The following CAGE1 variants were observed in gnomAD, a reference collection of about 807,000 sequenced individuals.
CAGE1 encodes cancer-associated gene 1 protein.
A neutral mutation model predicts 94.9 loss-of-function variants in CAGE1; 66 were observed. The ratio of observed to expected loss-of-function variants is 0.70; its 90% CI spans 0.57 to 0.85. CAGE1 has a LOEUF of 0.85. Ranked by LOEUF, CAGE1 falls within the 40% of genes least tolerant of loss-of-function variation. The pLI is 0.00. For synonymous variants in CAGE1, 319 were observed against 321.0 expected (o/e 0.99, Z 0.07); for missense variants, 865 against 950.4 (o/e 0.91, Z 1.18).
intron 12 of CAGE1, chr6:7,331,364 A>T: frequency 9.8e-7 from 1 of 1,016,526 alleles, no homozygotes; most frequent in Non-Finnish European, 1.4e-6. Context: ...ATCCCAGGAC[A>T]GCATATGAGA....
chr6:7,378,606 T>G lies in CAGE1; in HGVS notation c.687+11A>C. 2 of 1,556,672 alleles carry G rather than the reference T, an allele frequency of 1.3e-6. No individual in the cohort carries two copies. The highest frequency in any genetic ancestry group is 1.7e-6 in the Non-Finnish European group (2 of 1,158,128). On this transcript the variant is annotated intron_variant, in intron 4 of 13. Coordinates refer to ENST00000502583, the MANE Select transcript of CAGE1 (RefSeq NM_001170692.2). ...ATCAAATGGTTTTACAATATTATTG[T>G]GTACACTTTCCTTACATAAGAAGCT... is the stretch of plus-strand genomic sequence containing the variant.
chr6:7,369,905 A>G lies in CAGE1; in HGVS notation c.1893+14T>C, dbSNP rs1259436088. On this transcript the variant is annotated intron_variant, in intron 6 of 13. Transcript: ENST00000502583. ...CCTCCCCTACTAAAATATCTAATATATATGTTTTATTACCTGGCATGTGAG... is the reference window on the plus strand; with the variant it reads ...CCTCCCCTACTAAAATATCTAATATGTATGTTTTATTACCTGGCATGTGAG... 6 of 1,601,928 alleles carry G rather than the reference A, an allele frequency of 3.7e-6. No individual in the cohort carries two copies. Among genetic ancestry groups the G allele is most frequent in the East Asian group, 2.2e-5 (1 of 44,706 alleles).
chr6:7,364,615 C>T (rs533669665), intron 9 of CAGE1, among the ~76,000 whole-genome samples: 2 of 152,124 alleles, frequency 1.3e-5, no homozygotes, highest in East Asian at 1.9e-4. Context: ...ATTACAGGTG[C>T]CTGCCACCGC....
chr6:7,376,796 A>G (rs1760762685), intron 4 of CAGE1, among the ~76,000 whole-genome samples: 1 of 152,016 alleles, frequency 6.6e-6, no homozygotes, highest in South Asian at 2.1e-4. Flanking sequence ...TTCCTTCTGT[A>G]TGGAAGGCTC....
intron 11 of CAGE1, chr6:7,342,134 A>G (rs1759201735): frequency 2.0e-6 from 2 of 1,009,178 alleles, no homozygotes; most frequent in Non-Finnish European, 3.2e-6. Context: ...GCAGCTTCAC[A>G]ATCACTCAGT....
chr6:7,367,403 A>C (rs1051439263), intron 7 of CAGE1, among the ~76,000 whole-genome samples: 6 of 151,792 alleles, frequency 4.0e-5, no homozygotes, highest in South Asian at 2.1e-4. Context: ...AGCCTCCGGA[A>C]TAGCTAGGAC....
intron 11 of CAGE1, among the ~76,000 whole-genome samples, chr6:7,336,053 A>C (rs1207078264): frequency 1.3e-5 from 2 of 152,196 alleles, no homozygotes; most frequent in Admixed American, 6.5e-5. Context: ...TCTTTCAGAG[A>C]TATCAGGCTT....
Position 7,389,667 on chromosome 6 carries a change from T to C in CAGE1, c.-489A>G. ...GAAACGGCCAGCACGGGCCTCGCCG[T>C]GCCGGCTACTCAACACGCCTTCCTG... On this transcript the variant is annotated 5_prime_UTR_variant, in exon 1 of 14. Coordinates refer to ENST00000502583, the MANE Select transcript of CAGE1 (RefSeq NM_001170692.2). 2.4e-6 allele frequency: 1 copy of C among 421,456 alleles called. No individual in the cohort carries two copies. Among genetic ancestry groups the C allele is most frequent in the South Asian group, 2.6e-5 (1 of 38,636 alleles). 26.1% of individuals were successfully genotyped at this position (421,456 alleles called of 1,614,324 possible). A position where few individuals can be genotyped will look rare whatever the true frequency, so the allele number is the denominator to read the frequency against.
intron 13 of CAGE1, among the ~76,000 whole-genome samples, chr6:7,328,930 A>ATTTTTTT (rs1189273237): frequency 1.2e-5 from 1 of 85,588 alleles, no homozygotes; most frequent in African/African-American, 4.0e-5. Context: ...ATATATATAT[A>ATTTTTTT]TATATTTTTT....
At chr6:7,351,573 G>A (rs1468254050) in intron 11 of CAGE1, among the ~76,000 whole-genome samples, 18 of 134,566 alleles carry the variant, frequency 1.3e-4, no homozygotes, top group East Asian at 2.1e-4. Context: ...TTTTGGAATA[G>A]AAAAAAAAAA....
chr6:7,380,200 T>C lies in CAGE1; in HGVS notation c.284-1180A>G, dbSNP rs982300875. Among the ~76,000 whole-genome samples, 7 of 152,120 alleles carry C rather than the reference T, an allele frequency of 4.6e-5. No individual in the cohort carries two copies. The East Asian group carries it at 1.2e-3, about 25-fold the overall frequency. The stretch of plus-strand genomic sequence containing the variant: ...TATAGTGAAAACTACAGCTAACAGA[T>C]TGTGGGGGTCTGATAGATGTCCAGT... On this transcript the variant is annotated intron_variant, in intron 3 of 13. Transcript: ENST00000502583.
intron 9 of CAGE1, among the ~76,000 whole-genome samples, 152 bp from the exon 10 acceptor site, chr6:7,356,281 A>G (rs1759950442): frequency 6.6e-6 from 1 of 152,240 alleles, no homozygotes; most frequent in Non-Finnish European, 1.5e-5. Flanking sequence ...GAGGCTATGA[A>G]CCAGATAATG....
intron 11 of CAGE1, chr6:7,338,952 T>C (rs1759067742): frequency 2.5e-6 from 4 of 1,609,382 alleles, no homozygotes; most frequent in South Asian, 2.2e-5. Flanking sequence ...GCTCACGTGG[T>C]CAGGCAGGGG....
chr6:7,338,992 C>T (rs1167603662), intron 11 of CAGE1: 1 of 1,607,322 alleles, frequency 6.2e-7, no homozygotes, highest in Non-Finnish European at 8.5e-7. Flanking sequence ...CCAGTTGGGT[C>T]CCAGGGCAGC....
intron 12 of CAGE1, among the ~76,000 whole-genome samples, chr6:7,330,683 G>A (rs1271361429): frequency 6.6e-6 from 1 of 152,130 alleles, no homozygotes; most frequent in Non-Finnish European, 1.5e-5. Flanking sequence ...GAGATCAATT[G>A]GGCCAGTCAT....
intron 6 of CAGE1, among the ~76,000 whole-genome samples, chr6:7,369,027 G>T (rs1434624338): frequency 3.0e-3 from 340 of 115,160 alleles, no homozygotes; most frequent in Non-Finnish European, 3.3e-3. Flanking sequence ...TTTTTTTTTT[G>T]AGATAGAGTT....
In CAGE1 at chr6:7,378,625, A is replaced by AGG; in HGVS notation, c.678_679insCC (p.Leu227ProfsTer80). On this transcript the variant is annotated frameshift_variant, in exon 4 of 14. Coordinates refer to ENST00000502583, the MANE Select transcript of CAGE1 (RefSeq NM_001170692.2). LOFTEE classifies it high-confidence loss of function. ...TTATTGTGTACACTTTCCTTACATAAGAAGCTTGGAGGTTGGCTAGGGTTG... is the reference window on the plus strand; with the variant it reads ...TTATTGTGTACACTTTCCTTACATAAGGGAAGCTTGGAGGTTGGCTAGGGTTG... 1 of 1,579,634 alleles carries AGG rather than the reference A, an allele frequency of 6.3e-7. No individual in the cohort carries two copies. Among genetic ancestry groups the AGG allele is most frequent in the South Asian group, 1.2e-5 (1 of 84,732 alleles).
rs573550237 is a variant in CAGE1 at position 7,362,078 on chromosome 6, T to C, written c.2193+3390A>G. 3.9e-5 allele frequency among the ~76,000 whole-genome samples: 6 copies of C among 152,344 alleles called. No homozygotes were observed. The highest frequency in any genetic ancestry group is 1.2e-4 in the African/African-American group (5 of 41,574). ...ACTTGGAAAATTTTTCCTAAAGCAGTAATTTTCTACTTTGCCTGTTCCTTT... is the reference window on the plus strand; with the variant it reads ...ACTTGGAAAATTTTTCCTAAAGCAGCAATTTTCTACTTTGCCTGTTCCTTT... On this transcript the variant is annotated intron_variant, in intron 9 of 13. Transcript: ENST00000502583. The surrounding 1 kb of genome is among the most constrained non-coding windows in gnomAD (Gnocchi z 4.1).
intron 9 of CAGE1, among the ~76,000 whole-genome samples, chr6:7,356,472 A>C (rs1001744466): frequency 6.6e-6 from 1 of 152,198 alleles, no homozygotes; most frequent in Non-Finnish European, 1.5e-5. Context: ...ATTTGACTCT[A>C]TATGAAGTAA....
Sources: allele counts gnomAD v4.1 joint callset (sites outside exome capture counted in the v4.1 genomes callset), GRCh38; gene constraint gnomAD v4.1.1; non-coding constraint Gnocchi (gnomAD v3.1); transcripts MANE v1.5; gene names NCBI Gene and HGNC (gene_info 2026-07-23, HGNC 2026-07-21).